The following LYRM7 variants were observed in gnomAD, a reference collection of about 807,000 sequenced individuals.
LYRM7 encodes the protein LYR motif containing 7.
LYRM7 carries 9 observed loss-of-function variants against 15.8 expected under a neutral mutation model. The ratio of observed to expected loss-of-function variants is 0.57; its 90% confidence interval spans 0.34 to 0.99. The LOEUF is 0.99. LYRM7 is among the 50% of genes least tolerant of loss of function. The pLI, the probability that LYRM7 is intolerant of heterozygous loss-of-function variation, is 0.02. For synonymous variants in LYRM7, 39 were observed against 39.4 expected (o/e 0.99, Z 0.04); for missense variants, 115 against 119.1 (o/e 0.97, Z 0.16).
intron 3 of LYRM7, 150 bp from the exon 4 acceptor site, chr5:131,186,878 A>C: frequency 1.7e-6 from 1 of 575,988 alleles, no homozygotes; most frequent in Non-Finnish European, 3.1e-6. Context: ...TTTTCAGACC[A>C]CAGTTGACCA....
intron 1 of LYRM7, among the ~76,000 whole-genome samples, chr5:131,179,070 C>T (rs540656317): frequency 1.3e-5 from 2 of 151,168 alleles, no homozygotes; most frequent in East Asian, 1.9e-4. Flanking sequence ...CATAATTTTG[C>T]ATATGTGTGT....
intron 4 of LYRM7, among the ~76,000 whole-genome samples, chr5:131,187,496 G>A (rs1301057231): frequency 7.0e-6 from 1 of 143,350 alleles, no homozygotes; most frequent in Non-Finnish European, 1.5e-5. Context: ...TTTTTTTTGG[G>A]TTTTTTGAGA....
chr5:131,179,662 G>A (rs922825958), intron 1 of LYRM7, among the ~76,000 whole-genome samples: 7 of 151,836 alleles, frequency 4.6e-5, no homozygotes, highest in Admixed American at 3.3e-4. Flanking sequence ...TTGGCCGGGT[G>A]CAGTGGCTCA....
At position 131,203,615 on chromosome 5, in the gene LYRM7, C is replaced by T. The variant is rs1164237311; in HGVS notation, c.*4014C>T. On this transcript the variant is annotated 3_prime_UTR_variant, in exon 5 of 5. Transcript: ENST00000379380. ...GGCTGAGGCGTGAGAATCGCTTGAA[C>T]CCGGTAGGCAGATGTTGCAGTGAGC... 1.3e-5 allele frequency: 2 copies of T among 152,380 alleles called. No individual in the cohort carries two copies. Among genetic ancestry groups the T allele is most frequent in the African/African-American group, 2.4e-5 (1 of 41,468 alleles). 9.4% of individuals were successfully genotyped at this position (152,380 alleles called of 1,614,324 possible). A position where few individuals can be genotyped will look rare whatever the true frequency, so the allele number is the denominator to read the frequency against.
chr5:131,172,855 T>C (rs922636282), intron 1 of LYRM7, among the ~76,000 whole-genome samples: 16 of 151,962 alleles, frequency 1.1e-4, no homozygotes, highest in African/African-American at 3.4e-4. Context: ...AAGAATCCAC[T>C]TTTCATCTAC....
intron 2 of LYRM7, among the ~76,000 whole-genome samples, chr5:131,181,294 A>ATATATATAT (rs1221861213): frequency 3.0e-4 from 5 of 16,410 alleles, no homozygotes; most frequent in African/African-American, 7.6e-4. Context: ...AAAAAAAAAA[A>ATATATATAT]AAAAAAAAAT....
At chr5:131,192,038 C>T (rs1025199169) in intron 4 of LYRM7, among the ~76,000 whole-genome samples, 34 of 76,154 alleles carry the variant, frequency 4.5e-4, no homozygotes, top group Middle Eastern at 6.6e-3. Context: ...TGCATACACA[C>T]ACACACACAC....
In LYRM7 at chr5:131,199,538, C is replaced by A. The variant is rs751153210; in HGVS notation, c.252C>A (p.Val84=). ...TTTTTTTTTTTCTTTCAGAACTGGT[C>A]CCTAGGAAAGACCTTCTTGTAGAAA... ...IHTDHNTLKL[V]PRKDLLVENV... The change falls in exon 5 of 5, where the codon GTC becomes GTA. Residue 84 remains valine, a synonymous_variant. Transcript: ENST00000379380. 1.1e-5 allele frequency: 17 copies of A among 1,591,774 alleles called. No individual in the cohort carries two copies. Among genetic ancestry groups the A allele is most frequent in the Non-Finnish European group, 1.2e-5 (14 of 1,169,326 alleles).
At chr5:131,181,577 A>G (rs2149661654) in intron 2 of LYRM7, among the ~76,000 whole-genome samples, 1 of 150,504 alleles carries the variant, frequency 6.6e-6, no homozygotes, top group Non-Finnish European at 1.5e-5. Context: ...TTCAAGTGGA[A>G]TAGTTATAAG....
intron 4 of LYRM7, among the ~76,000 whole-genome samples, chr5:131,195,705 A>G (rs1205835107): frequency 6.6e-6 from 1 of 152,172 alleles, no homozygotes; most frequent in Non-Finnish European, 1.5e-5. Context: ...TTCTGTGGCT[A>G]CTTGTGCATG....
At position 131,170,973 on chromosome 5, in the gene LYRM7, C is replaced by T; in HGVS notation, c.-48C>T. ...CAGTCTTTGATTGGTTGCTGAGAGG[C>T]GGGGCTACTCGACTGCTCTGGAGGT... On this transcript the variant is annotated 5_prime_UTR_variant, in exon 1 of 5. Coordinates refer to ENST00000379380, the MANE Select transcript of LYRM7 (RefSeq NM_181705.4). 2 of 1,528,734 alleles carry T rather than the reference C, an allele frequency of 1.3e-6. No homozygotes were observed. Among genetic ancestry groups the T allele is most frequent in the East Asian group, 2.6e-5 (1 of 38,346 alleles). 94.7% of individuals were successfully genotyped at this position (1,528,734 alleles called of 1,614,324 possible).
chr5:131,199,359 T>C (rs1002567898), intron 4 of LYRM7, among the ~76,000 whole-genome samples, 172 bp from the exon 5 acceptor site: 1 of 152,240 alleles, frequency 6.6e-6, no homozygotes, highest in Non-Finnish European at 1.5e-5. Context: ...CTATTAATTC[T>C]AATTAGAGTC....
At position 131,202,970 on chromosome 5, in the gene LYRM7, A is replaced by T. The variant is rs1358882794; in HGVS notation, c.*3369A>T. 1 of 152,360 alleles carries T rather than the reference A, an allele frequency of 6.6e-6. No individual in the cohort carries two copies. Among genetic ancestry groups the T allele is most frequent in the Non-Finnish European group, 1.5e-5 (1 of 68,042 alleles). The allele number at this position is 152,360 out of a possible 1,614,324, so 9.4% of individuals were successfully genotyped here. On this transcript the variant is annotated 3_prime_UTR_variant, in exon 5 of 5. Coordinates refer to ENST00000379380, the MANE Select transcript of LYRM7 (RefSeq NM_181705.4). The stretch of plus-strand genomic sequence containing the variant: ...ACATCTAATTCAGAACATTAAAATT[A>T]AGATTTTAGTCAAACTGTGTTTAAG...
At chr5:131,183,490 G>T (rs910945199) in intron 3 of LYRM7, among the ~76,000 whole-genome samples, 1 of 152,102 alleles carries the variant, frequency 6.6e-6, no homozygotes, top group Non-Finnish European at 1.5e-5. Flanking sequence ...TTTATATCAA[G>T]TAAACTGGGA....
chr5:131,174,397 T>G (rs1755566387), intron 1 of LYRM7, among the ~76,000 whole-genome samples: 1 of 152,232 alleles, frequency 6.6e-6, no homozygotes, highest in Admixed American at 6.5e-5. Context: ...TCAAATAAGT[T>G]TCTTCCAAAT....
At position 131,172,784 on chromosome 5, in the gene LYRM7, G is replaced by T. The variant is rs556222767; in HGVS notation, c.18+1746G>T. Among the ~76,000 whole-genome samples the T allele has an allele frequency of 1.5e-3, 231 of 152,188 alleles. 2 individuals are homozygous for T. The highest frequency in any genetic ancestry group is 5.3e-3 in the African/African-American group (222 of 41,502). The stretch of plus-strand genomic sequence containing the variant: ...TATTCAAGAAAATTGAGGCAAAAAG[G>T]CTGTTACTTGTCCAAGCTTACATTA... On this transcript the variant is annotated intron_variant, in intron 1 of 4. Coordinates refer to ENST00000379380, the MANE Select transcript of LYRM7 (RefSeq NM_181705.4).
At position 131,199,511 on chromosome 5, in the gene LYRM7, CTTTT is replaced by C; in HGVS notation, c.245-11_245-8del. ...TAATTTTAGTGATGTTAATTATTCT[CTTTT>C]TTTTTTTTCTTTCAGAACTGGTCCC... On this transcript the variant is annotated splice_polypyrimidine_tract_variant and intron_variant, in intron 4 of 4. Transcript: ENST00000379380. 3.3e-6 allele frequency: 4 copies of C among 1,208,736 alleles called. No homozygotes were observed. The highest frequency in any genetic ancestry group is 2.9e-5 in the East Asian group (1 of 34,650). 74.9% of individuals were successfully genotyped at this position (1,208,736 alleles called of 1,614,324 possible). A position where few individuals can be genotyped will look rare whatever the true frequency, so the allele number is the denominator to read the frequency against.
Position 131,182,293 on chromosome 5 carries a change from A to G in LYRM7, c.156A>G (p.Ile52Met), listed in dbSNP as rs1485745985. 2.8e-6 allele frequency: 4 copies of G among 1,407,010 alleles called. No homozygotes were observed. Among genetic ancestry groups the G allele is most frequent in the Middle Eastern group, 3.9e-4 (2 of 5,150 alleles). 87.2% of individuals were successfully genotyped at this position (1,407,010 alleles called of 1,614,324 possible). A position where few individuals can be genotyped will look rare whatever the true frequency, so the allele number is the denominator to read the frequency against. ...AAAGTGAAACTTCTTCTAAGAAAAT[A>G]GAAGAGGTACAGTAATTTTTTCAAT... ...NNKSETSSKK[I>M]EELMKIGSDV... Residue 52 changes from isoleucine (I) to methionine (M), a missense_variant, in exon 3 of 5, where the codon ATA (isoleucine) becomes ATG (methionine). Transcript: ENST00000379380.
intron 2 of LYRM7, among the ~76,000 whole-genome samples, chr5:131,181,389 CATATATATTATATAT>C (rs1561544417): frequency 3.8e-4 from 27 of 71,494 alleles, no homozygotes; most frequent in African/African-American, 2.6e-3. Flanking sequence ...ATAATATATA[CATATATATTATATAT>C]ACATATATAT....
Sources: allele counts gnomAD v4.1 joint callset (sites outside exome capture counted in the v4.1 genomes callset), GRCh38; gene constraint gnomAD v4.1.1; transcripts MANE v1.5; gene names NCBI Gene and HGNC (gene_info 2026-07-23, HGNC 2026-07-21).